SGCE: variants seen among roughly 807,000 people sequenced by gnomAD.
SGCE encodes sarcoglycan epsilon.
Under a neutral mutation model 57.8 loss-of-function variants are expected in SGCE, and 26 were observed. That is an observed-to-expected ratio of 0.45 (90% CI 0.33 to 0.62). The LOEUF (loss-of-function observed/expected upper bound fraction) is 0.62, where lower values mean the gene tolerates loss of function less well. Among genes scored for constraint, SGCE ranks in the 20% least tolerant of loss-of-function variants. SGCE has a pLI of 0.02. For synonymous variants in SGCE, 183 were observed against 189.5 expected (o/e 0.97, Z 0.28); for missense variants, 468 against 548.6 (o/e 0.85, Z 1.47).
intron 1 of SGCE, among the ~76,000 whole-genome samples, chr7:94,653,343 A>T (rs1366396859): frequency 6.6e-6 from 1 of 152,138 alleles, no homozygotes; most frequent in Non-Finnish European, 1.5e-5. Flanking sequence ...ATTCTCATAA[A>T]AATAGATAAA....
chr7:94,623,048 A>G (rs1803062334), intron 4 of SGCE, among the ~76,000 whole-genome samples: 1 of 152,188 alleles, frequency 6.6e-6, no homozygotes, highest in African/African-American at 2.4e-5. Context: ...TATAAGAGAA[A>G]TGCTACTGTT....
chr7:94,596,074 G>T (rs1038099580), intron 9 of SGCE, among the ~76,000 whole-genome samples: 2 of 151,916 alleles, frequency 1.3e-5, no homozygotes, highest in Non-Finnish European at 2.9e-5. Flanking sequence ...AGGTTTTCTG[G>T]ACTTAAAAAT....
At chr7:94,627,381 C>G (rs1448539013) in intron 3 of SGCE, 1 of 151,976 alleles carries the variant, frequency 6.6e-6, no homozygotes, top group Non-Finnish European at 1.5e-5. Context: ...ATGCTAGGTG[C>G]TGGTGAGGAC....
intron 1 of SGCE, among the ~76,000 whole-genome samples, chr7:94,642,608 G>C (rs1201646631): frequency 6.6e-6 from 1 of 152,176 alleles, no homozygotes; most frequent in African/African-American, 2.4e-5. Flanking sequence ...AGAAGACAGA[G>C]GAGCCATTAC....
At chr7:94,644,993 T>C (rs1256976928) in intron 1 of SGCE, among the ~76,000 whole-genome samples, 5 of 152,202 alleles carry the variant, frequency 3.3e-5, no homozygotes, top group African/African-American at 4.8e-5. Context: ...ACAATGACTA[T>C]GTTAAGTAGG....
chr7:94,615,781 T>C (rs1801835542), intron 5 of SGCE, among the ~76,000 whole-genome samples: 1 of 152,178 alleles, frequency 6.6e-6, no homozygotes, highest in Non-Finnish European at 1.5e-5. Context: ...CCATTTACAC[T>C]ACATCACTCG....
At chr7:94,642,006 A>G (rs997508754) in intron 1 of SGCE, among the ~76,000 whole-genome samples, 2 of 152,238 alleles carry the variant, frequency 1.3e-5, no homozygotes, top group African/African-American at 4.8e-5. Flanking sequence ...AAAATGTCAC[A>G]GGCACCCTTT....
intron 5 of SGCE, among the ~76,000 whole-genome samples, chr7:94,615,360 AAATAAATAG>A (rs1249290458): frequency 7.6e-6 from 1 of 131,570 alleles, no homozygotes; most frequent in African/African-American, 3.0e-5. Flanking sequence ...CTCTGTCTCA[AAATAAATAG>A]ATAGATAGAT....
At position 94,648,983 on chromosome 7, in the gene SGCE, G is replaced by C. The variant is rs1036234731; in HGVS notation, c.109+7007C>G. On this transcript the variant is annotated intron_variant, in intron 1 of 10. Coordinates refer to ENST00000648936, the MANE Select transcript of SGCE (RefSeq NM_003919.3). ...AAGGAAGTGAAAAGCTAAAGAATGG[G>C]AAAGAATTCATACCAGAGCTGCCTA... is the stretch of plus-strand genomic sequence containing the variant. 3.3e-5 allele frequency among the ~76,000 whole-genome samples: 5 copies of C among 152,242 alleles called. No homozygotes were observed. The East Asian group carries it at 7.7e-4, about 24-fold the overall frequency.
At chr7:94,644,582 A>T (rs1181733368) in intron 1 of SGCE, 1 of 1,166,958 alleles carries the variant, frequency 8.6e-7, no homozygotes, top group Non-Finnish European at 1.1e-6. Context: ...GCCAAATGAA[A>T]TTTAATCTGA....
chr7:94,640,550 C>T (rs1806239367), intron 1 of SGCE, among the ~76,000 whole-genome samples: 1 of 152,206 alleles, frequency 6.6e-6, no homozygotes, highest in Admixed American at 6.5e-5. Context: ...ATCCTATTCT[C>T]CCTTGGGCTA....
chr7:94,610,331 G>A (rs954945365), intron 5 of SGCE, among the ~76,000 whole-genome samples: 2 of 152,130 alleles, frequency 1.3e-5, no homozygotes, highest in African/African-American at 4.8e-5. Flanking sequence ...ACCGCCAAGA[G>A]TAACACCTAA....
chr7:94,586,899 G>A (rs1465296889), intron 10 of SGCE: 1 of 984,480 alleles, frequency 1.0e-6, no homozygotes, highest in African/African-American at 1.7e-5. Context: ...TGGCACTTAA[G>A]ATATTTTGGG....
chr7:94,612,871 T>C (rs775302718), intron 5 of SGCE, among the ~76,000 whole-genome samples: 1 of 152,112 alleles, frequency 6.6e-6, no homozygotes, highest in Non-Finnish European at 1.5e-5. Context: ...TCTCTTTGAC[T>C]CCTCTCCTTC....
intron 1 of SGCE, among the ~76,000 whole-genome samples, chr7:94,643,060 T>C (rs546184817): frequency 4.4e-4 from 67 of 152,226 alleles, no homozygotes; most frequent in Non-Finnish European, 7.9e-4. Context: ...CCCAGGCAGC[T>C]TCTCTTTTGT....
chr7:94,588,569 G>A (rs1797219698), intron 10 of SGCE, 120 bp downstream of exon 10: 2 of 1,530,466 alleles, frequency 1.3e-6, no homozygotes, highest in South Asian at 2.4e-5. Flanking sequence ...ATTAAGGAAT[G>A]ACACAAGTGT....
At chr7:94,630,662 C>T (rs1325833695) in intron 1 of SGCE, among the ~76,000 whole-genome samples, 1 of 151,892 alleles carries the variant, frequency 6.6e-6, no homozygotes, top group East Asian at 1.9e-4. Context: ...CTGATAGCAT[C>T]TTCTCCACTA....
intron 1 of SGCE, among the ~76,000 whole-genome samples, chr7:94,630,656 T>C (rs1303349985): frequency 6.6e-6 from 1 of 151,958 alleles, no homozygotes; most frequent in Non-Finnish European, 1.5e-5. Flanking sequence ...TTTGCTCTGA[T>C]AGCATCTTCT....
In SGCE at chr7:94,623,644, T is replaced by C. The variant is rs111363657; in HGVS notation, c.391-247A>G. 1,689 of 493,384 alleles carry C rather than the reference T, an allele frequency of 3.4e-3. 31 individuals carry two copies. Among genetic ancestry groups the C allele is most frequent in the African/African-American group, 0.03 (1,515 of 50,494 alleles). The allele number at this position is 493,384 out of a possible 1,614,324, so 30.6% of individuals were successfully genotyped here. A position where few individuals can be genotyped will look rare whatever the true frequency, so the allele number is the denominator to read the frequency against. On this transcript the variant is annotated intron_variant, in intron 3 of 10. Transcript: ENST00000648936. ...AGTTAAAATCAGAAAGACTCTTTCA[T>C]AGAAGGCCATTAAGCACTGGTAGCA... is the stretch of plus-strand genomic sequence containing the variant.
Sources: allele counts gnomAD v4.1 joint callset (sites outside exome capture counted in the v4.1 genomes callset), GRCh38; gene constraint gnomAD v4.1.1; transcripts MANE v1.5; gene names NCBI Gene and HGNC (gene_info 2026-07-23, HGNC 2026-07-21).